ZNF536: variants seen among roughly 807,000 people sequenced by gnomAD.
The protein encoded by ZNF536 is zinc finger protein 536.
Under a neutral mutation model 84.5 loss-of-function variants are expected in ZNF536, and 13 were observed. That is an observed-to-expected ratio of 0.15 (90% CI 0.10 to 0.24). The LOEUF is 0.24. Among genes scored for constraint, ZNF536 ranks in the 10% least tolerant of loss-of-function variants. ZNF536 has a pLI of 1.00. For missense variants in ZNF536, 1,536 were observed against 1,747.5 expected (o/e 0.88, Z 2.16); for synonymous variants, 811 against 742.5 (o/e 1.09, Z -1.50).
chr19:30,386,351 C>T (rs2049341370), intron 1 of ZNF536, among the ~76,000 whole-genome samples: 1 of 152,282 alleles, frequency 6.6e-6, no homozygotes, highest in African/African-American at 2.4e-5. Context: ...TCTACAGTCT[C>T]TCTTTATGAA....
intron 2 of ZNF536, among the ~76,000 whole-genome samples, chr19:30,488,635 G>A (rs1599557722): frequency 6.6e-6 from 1 of 151,826 alleles, no homozygotes; most frequent in South Asian, 2.1e-4. Context: ...ACACTTTCAT[G>A]TGGCATTAAC....
intron 1 of ZNF536, among the ~76,000 whole-genome samples, chr19:30,380,762 A>G (rs1348053358): frequency 6.6e-6 from 1 of 152,228 alleles, no homozygotes; most frequent in Non-Finnish European, 1.5e-5. Context: ...CAGAAGACTC[A>G]GGTCTGGCTG....
chr19:30,633,360 A>T (rs2048956553), intron 1 of ZNF536, among the ~76,000 whole-genome samples: 1 of 152,246 alleles, frequency 6.6e-6, no homozygotes, highest in Non-Finnish European at 1.5e-5. Flanking sequence ...ACGTGGGAAG[A>T]TTGAATTAAT....
intron 1 of ZNF536, among the ~76,000 whole-genome samples, chr19:30,655,899 C>T (rs555028508): frequency 7.2e-5 from 11 of 152,122 alleles, no homozygotes; most frequent in African/African-American, 2.7e-4. Context: ...ATTAGCTGTG[C>T]GTAATGGTGC....
chr19:30,480,737 T>TAAAC (rs2054046166), intron 2 of ZNF536, among the ~76,000 whole-genome samples: 1 of 152,004 alleles, frequency 6.6e-6, no homozygotes, highest in Non-Finnish European at 1.5e-5. Flanking sequence ...AATAAATAAA[T>TAAAC]AATAAATGGC....
At chr19:30,436,526 C>T (rs1600721465) in intron 1 of ZNF536, 2 of 984,630 alleles carry the variant, frequency 2.0e-6, no homozygotes, top group Middle Eastern at 5.2e-4. Context: ...AAAATGTAAG[C>T]ATGAAATCTC....
chr19:30,585,189 G>A (rs80224222), intron 1 of ZNF536, among the ~76,000 whole-genome samples: 3 of 152,134 alleles, frequency 2.0e-5, no homozygotes, highest in Admixed American at 2.0e-4. Flanking sequence ...CAAGAAATAG[G>A]CTAAGTTGAT....
chr19:30,548,319 C>T lies in ZNF536; in HGVS notation c.2700C>T (p.Ile900=), dbSNP rs372913514. The change falls in exon 4 of 5, where the codon ATC becomes ATT. Residue 900 remains isoleucine, a synonymous_variant. Coordinates refer to ENST00000355537, the MANE Select transcript of ZNF536 (RefSeq NM_014717.3). ...LPSKSTHFSE[I]GRAYQSIVSN... ...CCAAAAGCACCCACTTCTCTGAGAT[C>T]GGAAGAGCTTATCAAAGCATTGTGA... The T allele has an allele frequency of 2.2e-5, 36 of 1,614,064 alleles. No homozygotes were observed. The highest frequency in any genetic ancestry group is 1.6e-4 in the Middle Eastern group (1 of 6,084).
chr19:30,547,277 A>G (rs1383287098), intron 3 of ZNF536, among the ~76,000 whole-genome samples: 1 of 152,234 alleles, frequency 6.6e-6, no homozygotes, highest in Non-Finnish European at 1.5e-5. Flanking sequence ...TGCTGCAATC[A>G]TAATGCACTG....
intron 2 of ZNF536, among the ~76,000 whole-genome samples, chr19:30,452,497 A>G (rs772925678): frequency 6.6e-5 from 10 of 152,284 alleles, no homozygotes; most frequent in Non-Finnish European, 1.2e-4. Flanking sequence ...GCTGGCTTCA[A>G]CAAGGCCTGT....
Position 30,390,665 on chromosome 19 carries a change from C to T in ZNF536, c.-3+18109C>T, listed in dbSNP as rs150435652. Among the ~76,000 whole-genome samples, 794 of 152,310 alleles carry T rather than the reference C, an allele frequency of 5.2e-3. 10 individuals are homozygous for T. Among genetic ancestry groups the T allele is most frequent in the African/African-American group, 0.018 (761 of 41,570 alleles). The stretch of plus-strand genomic sequence containing the variant: ...CAAATCTATCGGAGCCTGGAGTGTC[C>T]TCTGTAGCCCTTAGAAACAGTCCAT... On this transcript the variant is annotated intron_variant, in intron 1 of 4. Transcript: ENST00000355537.
At chr19:30,381,538 A>C (rs528039622) in intron 1 of ZNF536, among the ~76,000 whole-genome samples, 9 of 152,336 alleles carry the variant, frequency 5.9e-5, no homozygotes, top group African/African-American at 1.9e-4. Context: ...TGCAGGGCAC[A>C]GGTCCCAAGG....
chr19:30,627,697 C>T (rs80298530), intron 1 of ZNF536, among the ~76,000 whole-genome samples: 3,469 of 152,192 alleles, frequency 0.023, 133 homozygotes, highest in African/African-American at 0.079. Flanking sequence ...TGAAGGCTCT[C>T]ATATTCTATG....
intron 1 of ZNF536, among the ~76,000 whole-genome samples, chr19:30,263,487 A>G (rs986664768): frequency 2.0e-5 from 3 of 152,100 alleles, no homozygotes; most frequent in Non-Finnish European, 4.4e-5. Context: ...CTGAGGAAGG[A>G]TGGAAATGAA....
At chr19:30,345,761 C>T (rs1209787502) in intron 2 of ZNF536, among the ~76,000 whole-genome samples, 1 of 152,162 alleles carries the variant, frequency 6.6e-6, no homozygotes, top group Non-Finnish European at 1.5e-5. Flanking sequence ...CAGCGGGAGC[C>T]ACAGATCCAT....
chr19:30,671,658 T>A (rs1013005999), intron 1 of ZNF536, among the ~76,000 whole-genome samples: 4 of 152,124 alleles, frequency 2.6e-5, no homozygotes, highest in Non-Finnish European at 5.9e-5. Flanking sequence ...AGGCGGGCAG[T>A]CTGCAGTGAC....
At position 30,445,397 on chromosome 19, in the gene ZNF536, T is replaced by C. The variant is rs777011363; in HGVS notation, c.1835T>C (p.Leu612Pro). ...AGTCGGGATTTTTTGTCACACGGGC[T>C]GAACCAGACTCTCGAGTATAACCTG... Reference protein sequence around the residue: ...ESSRDFLSHGLNQTLEYNLQG... With the variant: ...ESSRDFLSHGPNQTLEYNLQG... The change falls in exon 2 of 5, where the codon CTG becomes CCG. Residue 612 changes from leucine (L) to proline (P), a missense_variant. Leu to Pro is a moderately conservative substitution (Grantham distance 98, BLOSUM62 -3). This residue lies in a region of ZNF536 where 366 missense variants were observed against 364.4 expected (regional missense o/e 1.00). Transcript: ENST00000355537. This position sits in a 1 kb window ranked among gnomAD's most constrained non-coding sequence, Gnocchi z 4.5. 6.8e-6 allele frequency: 11 copies of C among 1,614,058 alleles called. No homozygotes were observed. In the African/African-American group the frequency reaches 1.2e-4, roughly 18 times the overall value.
At chr19:30,277,231 A>T (rs1287937111) in intron 1 of ZNF536, among the ~76,000 whole-genome samples, 1 of 152,204 alleles carries the variant, frequency 6.6e-6, no homozygotes, top group Non-Finnish European at 1.5e-5. Context: ...GTTGATGTGC[A>T]CATGGATTTG....
intron 2 of ZNF536, among the ~76,000 whole-genome samples, chr19:30,333,679 G>A (rs1334527603): frequency 6.6e-6 from 1 of 152,084 alleles, no homozygotes; most frequent in Non-Finnish European, 1.5e-5. Context: ...CTCACACCTT[G>A]AGCCCTACCT....
Sources: gnomAD v4.1 joint callset for allele counts (sites outside exome capture counted in the v4.1 genomes callset) on GRCh38, gnomAD v4.1.1 for gene constraint, gnomAD v4.1.1 regional missense constraint, Gnocchi (gnomAD v3.1) non-coding constraint, MANE v1.5 for transcripts, NCBI Gene and HGNC (gene_info 2026-07-23, HGNC 2026-07-21) for gene names.